ROBO1: variants seen among roughly 807,000 people sequenced by gnomAD.
The protein encoded by ROBO1 is roundabout guidance receptor 1.
ROBO1 carries 149 observed loss-of-function variants against 195.9 expected under a neutral mutation model. The ratio of observed to expected loss-of-function variants is 0.76; its 90% confidence interval spans 0.67 to 0.87. The LOEUF is 0.87. ROBO1 is among the 40% of genes least tolerant of loss of function. The probability of loss-of-function intolerance (pLI) is 0.00; values close to 1 mark genes in which losing one functional copy is unlikely to be tolerated. For missense variants in ROBO1, 1,933 were observed against 2,068.3 expected (o/e 0.93, Z 1.27); for synonymous variants, 816 against 733.2 (o/e 1.11, Z -1.82).
At chr3:79,023,128 C>T (rs1488520875) in intron 3 of ROBO1, among the ~76,000 whole-genome samples, 8 of 141,798 alleles carry the variant, frequency 5.6e-5, no homozygotes, top group African/African-American at 2.1e-4. Flanking sequence ...GGATGCAAGC[C>T]ATAAGTTCCA....
chr3:78,825,471 C>T (rs1019069729), intron 4 of ROBO1, among the ~76,000 whole-genome samples: 5 of 152,074 alleles, frequency 3.3e-5, no homozygotes, highest in African/African-American at 1.2e-4. Context: ...GAACTCTATT[C>T]GAAGACAGCC....
intron 2 of ROBO1, among the ~76,000 whole-genome samples, chr3:79,211,507 T>C (rs2108802594): frequency 6.6e-6 from 1 of 152,120 alleles, no homozygotes; most frequent in African/African-American, 2.4e-5. Context: ...GAAAGGTGAC[T>C]ATAAACTTGA....
chr3:79,202,610 A>G (rs537106604), intron 2 of ROBO1, among the ~76,000 whole-genome samples: 32 of 150,898 alleles, frequency 2.1e-4, no homozygotes, highest in African/African-American at 7.7e-4. Context: ...CTCATTTCAA[A>G]AAAAAAAAAA....
chr3:79,350,825 C>A (rs1282206454), intron 2 of ROBO1, among the ~76,000 whole-genome samples: 4 of 150,812 alleles, frequency 2.7e-5, no homozygotes, highest in South Asian at 2.1e-4. Context: ...TACAAGAATT[C>A]TTTTTTTTTA....
intron 1 of ROBO1, among the ~76,000 whole-genome samples, chr3:79,660,285 T>C (rs1946291664): frequency 6.6e-6 from 1 of 151,190 alleles, no homozygotes; most frequent in Non-Finnish European, 1.5e-5. Flanking sequence ...ACGACTAAAA[T>C]GCCAGCTCAA....
chr3:79,544,064 A>G (rs1048234008), intron 2 of ROBO1, among the ~76,000 whole-genome samples: 6 of 152,126 alleles, frequency 3.9e-5, no homozygotes, highest in Admixed American at 1.3e-4. Flanking sequence ...ATACAGTACA[A>G]TACAGTATTC....
At chr3:78,740,959 G>C (rs926616843) in intron 5 of ROBO1, among the ~76,000 whole-genome samples, 1 of 151,892 alleles carries the variant, frequency 6.6e-6, no homozygotes, top group Non-Finnish European at 1.5e-5. Flanking sequence ...ATTACTACTT[G>C]TCAATTAGCA....
intron 2 of ROBO1, among the ~76,000 whole-genome samples, chr3:79,511,204 AACTT>A (rs1207152941): frequency 1.3e-5 from 2 of 152,160 alleles, no homozygotes; most frequent in African/African-American, 4.8e-5. Context: ...GGCTCACAAA[AACTT>A]AAGTTAGAAA....
At chr3:79,603,838 A>G (rs545609193) in intron 1 of ROBO1, among the ~76,000 whole-genome samples, 20 of 152,130 alleles carry the variant, frequency 1.3e-4, no homozygotes, top group African/African-American at 4.8e-4. Flanking sequence ...ATACCCTCAC[A>G]TAGTTCTATT....
intron 2 of ROBO1, among the ~76,000 whole-genome samples, chr3:79,411,404 T>A (rs1180817236): frequency 6.6e-6 from 1 of 152,152 alleles, no homozygotes; most frequent in East Asian, 1.9e-4. Context: ...AGTTAGTGAC[T>A]CTAGACAGTA....
intron 4 of ROBO1, among the ~76,000 whole-genome samples, chr3:78,911,438 C>A (rs565299607): frequency 6.6e-5 from 10 of 152,008 alleles, no homozygotes; most frequent in Non-Finnish European, 1.2e-4. Context: ...ATTTCATGTA[C>A]GTGCTGAACC....
intron 21 of ROBO1, 64 bp downstream of exon 21, chr3:78,646,084 T>C (rs1706263762): frequency 7.3e-7 from 1 of 1,378,132 alleles, no homozygotes; most frequent in Non-Finnish European, 1.0e-6. Context: ...AGTGGTGTCA[T>C]TGAGGAAGAT....
At chr3:79,114,577 T>C (rs1008670010) in intron 3 of ROBO1, among the ~76,000 whole-genome samples, 52 of 152,254 alleles carry the variant, frequency 3.4e-4, no homozygotes, top group African/African-American at 1.2e-3. Flanking sequence ...CAACCATTAC[T>C]CTATATGCAT....
At chr3:79,341,270 TTGCTTAGACATA>T (rs2034895883) in intron 2 of ROBO1, among the ~76,000 whole-genome samples, 2 of 152,144 alleles carry the variant, frequency 1.3e-5, no homozygotes, top group Non-Finnish European at 2.9e-5. Flanking sequence ...AGAAAAACAG[TTGCTTAGACATA>T]TGAGATATGA....
chr3:79,525,540 A>C (rs1269054907), intron 2 of ROBO1, among the ~76,000 whole-genome samples: 1 of 111,034 alleles, frequency 9.0e-6, no homozygotes, highest in Non-Finnish European at 1.7e-5. Context: ...TATACTTCAG[A>C]TATATATATA....
chr3:78,882,806 C>T (rs2036261933), intron 4 of ROBO1, among the ~76,000 whole-genome samples: 1 of 142,280 alleles, frequency 7.0e-6, no homozygotes, highest in African/African-American at 2.5e-5. Flanking sequence ...CTCTGTTCTT[C>T]CTAATCTTTT....
Position 79,116,354 on chromosome 3 carries a change from TCTTA to T in ROBO1, c.172+9098_172+9101del, listed in dbSNP as rs553862847. Among the ~76,000 whole-genome samples the T allele has an allele frequency of 9.6e-4, 146 of 151,304 alleles. 2 individuals carry two copies. The South Asian group carries it at 0.021, about 22-fold the overall frequency. ...TTCTTTTCCTTTCTTTCTTTTTCTT[TCTTA>T]TTTTTTTCGTTCTTTTCTTTCTTTC... is the stretch of plus-strand genomic sequence containing the variant. On this transcript the variant is annotated intron_variant, in intron 3 of 30. Transcript: ENST00000464233.
intron 3 of ROBO1, among the ~76,000 whole-genome samples, chr3:79,100,044 G>A (rs1055420850): frequency 5.3e-5 from 8 of 151,692 alleles, no homozygotes; most frequent in South Asian, 4.2e-4. Context: ...AATTTAAAAA[G>A]TCTTAAGGAG....
At chr3:78,661,854 A>G in intron 15 of ROBO1, 139 bp downstream of exon 15, 1 of 1,016,634 alleles carries the variant, frequency 9.8e-7, no homozygotes, top group South Asian at 1.8e-5. Context: ...CCAAACTAAT[A>G]GCTACTGTAA....
Sources: allele counts gnomAD v4.1 joint callset (sites outside exome capture counted in the v4.1 genomes callset), GRCh38; gene constraint gnomAD v4.1.1; transcripts MANE v1.5; gene names NCBI Gene and HGNC (gene_info 2026-07-23, HGNC 2026-07-21).